The following DTWD1 variants were observed in gnomAD, a reference collection of about 807,000 sequenced individuals.
DTWD1 encodes the protein tRNA-uridine aminocarboxypropyltransferase 1.
A neutral mutation model predicts 30.2 loss-of-function variants in DTWD1; 27 were observed. That is an observed-to-expected ratio of 0.90 (90% CI 0.66 to 1.23). DTWD1 has a LOEUF of 1.23. Ranked by LOEUF, DTWD1 falls within the 50% of genes most tolerant of loss-of-function variation. The pLI is 0.00. For missense variants in DTWD1, 342 were observed against 348.8 expected (o/e 0.98, Z 0.15); for synonymous variants, 99 against 113.1 (o/e 0.88, Z 0.79).
At chr15:49,623,941 T>C (rs1262293831) in intron 1 of DTWD1, 1 of 152,192 alleles carries the variant, frequency 6.6e-6, no homozygotes, top group African/African-American at 2.4e-5. Flanking sequence ...AAATATTTAC[T>C]GTATTTTGTT....
At chr15:49,638,330 A>G (rs1005136446) in intron 4 of DTWD1, among the ~76,000 whole-genome samples, 1 of 152,188 alleles carries the variant, frequency 6.6e-6, no homozygotes, top group Non-Finnish European at 1.5e-5. Context: ...CCCAATTCAC[A>G]TGGAAAGTAT....
Position 49,644,003 on chromosome 15 carries a change from G to C in DTWD1, c.*425G>C, listed in dbSNP as rs901651397. ...TAGGTCATAAGTGATTTTTCTTGAGGTTAGTAGCAAACATAGGCAGAACTA... is the reference window on the plus strand; with the variant it reads ...TAGGTCATAAGTGATTTTTCTTGAGCTTAGTAGCAAACATAGGCAGAACTA... On this transcript the variant is annotated 3_prime_UTR_variant, in exon 5 of 5. Coordinates refer to ENST00000403028, the MANE Select transcript of DTWD1 (RefSeq NM_001144955.2). The C allele has an allele frequency of 6.5e-6, 1 of 153,018 alleles. No homozygotes were observed. The highest frequency in any genetic ancestry group is 1.5e-5 in the Non-Finnish European group (1 of 68,694). The allele number at this position is 153,018 out of a possible 1,614,324, so 9.5% of individuals were successfully genotyped here. A position where few individuals can be genotyped will look rare whatever the true frequency, so the allele number is the denominator to read the frequency against.
rs551100733 is a variant in DTWD1, at chr15:49,630,809, C to A, written c.265-1350C>A. ...GCTGCTGGAGAGCAAGCGAAGCTTC[C>A]GTCTGTATTTACAGCCGCTCCCCAT... On this transcript the variant is annotated intron_variant, in intron 2 of 4. Coordinates refer to ENST00000403028, the MANE Select transcript of DTWD1 (RefSeq NM_001144955.2). The A allele has an allele frequency of 6.2e-5, 11 of 178,056 alleles. No homozygotes were observed. The South Asian group carries it at 1.0e-3, about 17-fold the overall frequency. 11.0% of individuals were successfully genotyped at this position (178,056 alleles called of 1,614,324 possible).
intron 1 of DTWD1, among the ~76,000 whole-genome samples, chr15:49,621,590 C>A (rs1013258563): frequency 1.3e-5 from 2 of 152,080 alleles, no homozygotes; most frequent in East Asian, 1.9e-4. Flanking sequence ...AGCAAAAGAG[C>A]CTGTTTCTTA....
intron 4 of DTWD1, among the ~76,000 whole-genome samples, chr15:49,635,196 G>T (rs2078985516): frequency 6.6e-6 from 1 of 151,784 alleles, no homozygotes; most frequent in Admixed American, 6.6e-5. Flanking sequence ...CACCACACCT[G>T]CCTAAATTTT....
Position 49,645,833 on chromosome 15 carries a change from A to G in DTWD1, c.*2255A>G, listed in dbSNP as rs2079114485. ...TCAAAAGAAGTTAGTAATACCTATT[A>G]GAACAATGAATTGACTATACTTGTC... On this transcript the variant is annotated 3_prime_UTR_variant, in exon 5 of 5. Coordinates refer to ENST00000403028, the MANE Select transcript of DTWD1 (RefSeq NM_001144955.2). 1 of 152,200 alleles carries G rather than the reference A, an allele frequency of 6.6e-6. No homozygotes were observed. Among genetic ancestry groups the G allele is most frequent in the African/African-American group, 2.4e-5 (1 of 41,462 alleles). The allele number at this position is 152,200 out of a possible 1,614,324, so 9.4% of individuals were successfully genotyped here. A position where few individuals can be genotyped will look rare whatever the true frequency, so the allele number is the denominator to read the frequency against.
chr15:49,632,196 A>T lies in DTWD1; in HGVS notation c.302A>T (p.Glu101Val). Residue 101 changes from glutamate (E) to valine (V), a missense_variant, in exon 3 of 5, where the codon GAA (glutamate) becomes GTA (valine). By Grantham distance (121) the Glu-to-Val change is moderately radical. Transcript: ENST00000403028. ...LKIDIIKHPN[E>V]TDGKSTAIHA... ...ATTGACATCATTAAACATCCAAATG[A>T]AACAGATGGCAAAAGTACTGCTATA... 2 of 1,590,944 alleles carry T rather than the reference A, an allele frequency of 1.3e-6. No individual in the cohort carries two copies. The highest frequency in any genetic ancestry group is 1.7e-6 in the Non-Finnish European group (2 of 1,173,660).
Position 49,645,823 on chromosome 15 carries a change from A to G in DTWD1, c.*2245A>G, listed in dbSNP as rs1023891506. On this transcript the variant is annotated 3_prime_UTR_variant, in exon 5 of 5. Coordinates refer to ENST00000403028, the MANE Select transcript of DTWD1 (RefSeq NM_001144955.2). ...CAGGTTCTTTTCAAAAGAAGTTAGT[A>G]ATACCTATTAGAACAATGAATTGAC... is the stretch of plus-strand genomic sequence containing the variant. 1.3e-5 allele frequency: 2 copies of G among 152,186 alleles called. No individual in the cohort carries two copies. The highest frequency in any genetic ancestry group is 2.9e-5 in the Non-Finnish European group (2 of 68,020). The allele number at this position is 152,186 out of a possible 1,614,324, so 9.4% of individuals were successfully genotyped here. A position where few individuals can be genotyped will look rare whatever the true frequency, so the allele number is the denominator to read the frequency against.
At chr15:49,635,469 T>C (rs1160982198) in intron 4 of DTWD1, among the ~76,000 whole-genome samples, 7 of 152,152 alleles carry the variant, frequency 4.6e-5, no homozygotes, top group Non-Finnish European at 5.9e-5. Context: ...GTTTTTTGCC[T>C]TACAGGTTTT....
intron 1 of DTWD1, among the ~76,000 whole-genome samples, chr15:49,622,877 G>T (rs2078785315): frequency 6.6e-6 from 1 of 152,096 alleles, no homozygotes. Context: ...CTCTTTTACT[G>T]TCTTACAGGT....
At chr15:49,624,525 C>T (rs1406148990) in intron 1 of DTWD1, among the ~76,000 whole-genome samples, 2 of 152,054 alleles carry the variant, frequency 1.3e-5, no homozygotes, top group Non-Finnish European at 2.9e-5. Context: ...ATTAATGTTA[C>T]TCTGTAAATT....
intron 2 of DTWD1, among the ~76,000 whole-genome samples, chr15:49,628,591 G>A (rs2078876335): frequency 6.6e-6 from 1 of 152,118 alleles, no homozygotes; most frequent in Admixed American, 6.6e-5. Context: ...TAATCCCATG[G>A]GAAAATGCTT....
chr15:49,656,049 ATATT>A lies in DTWD1; in HGVS notation c.*12474_*12477del, dbSNP rs1203365264. The A allele has an allele frequency of 1.6e-4, 24 of 148,978 alleles. No homozygotes were observed. Among genetic ancestry groups the A allele is most frequent in the African/African-American group, 6.2e-4 (24 of 38,436 alleles). 9.2% of individuals were successfully genotyped at this position (148,978 alleles called of 1,614,324 possible). Reference sequence around the variant, plus strand: ...GTACAATTACAACAAGCATCAATGAATATTTAATGAGCAGCTGTTAATTTCTGAA... The same window carrying A: ...GTACAATTACAACAAGCATCAATGAATAATGAGCAGCTGTTAATTTCTGAA... On this transcript the variant is annotated 3_prime_UTR_variant, in exon 5 of 5. Coordinates refer to ENST00000403028, the MANE Select transcript of DTWD1 (RefSeq NM_001144955.2).
chr15:49,627,306 G>A (rs2078856773), intron 2 of DTWD1, among the ~76,000 whole-genome samples: 1 of 152,040 alleles, frequency 6.6e-6, no homozygotes, highest in Admixed American at 6.6e-5. Context: ...GGTAATAACA[G>A]CTCTACAAAA....
chr15:49,632,140 G>T lies in DTWD1; in HGVS notation c.265-19G>T, dbSNP rs778423776. On this transcript the variant is annotated intron_variant, in intron 2 of 4. Coordinates refer to ENST00000403028, the MANE Select transcript of DTWD1 (RefSeq NM_001144955.2). ...AAAATGTTTATATATTTTTTTATTT[G>T]TGCTTTTTTTACCTTTAGCTTCCAT... 3 of 1,540,900 alleles carry T rather than the reference G, an allele frequency of 1.9e-6. No homozygotes were observed. In the South Asian group the frequency reaches 3.9e-5, roughly 20 times the overall value.
chr15:49,639,911 G>C (rs1445334681), intron 4 of DTWD1, among the ~76,000 whole-genome samples: 3 of 151,988 alleles, frequency 2.0e-5, no homozygotes, highest in Non-Finnish European at 4.4e-5. Context: ...AAGCAAAGAG[G>C]TTTTGTTTGT....
chr15:49,621,405 G>T (rs2078703452), intron 1 of DTWD1: 1 of 152,108 alleles, frequency 6.6e-6, no homozygotes, highest in African/African-American at 2.4e-5. Flanking sequence ...CCAACGAAAA[G>T]TATGTCCTGG....
In DTWD1 at chr15:49,625,451, G is replaced by T; in HGVS notation, c.264+20G>T. ...GTGAAGGTTAGTAAGAAATTTAATT[G>T]TTTGAAAGTATGAAAATAGATTTTT... On this transcript the variant is annotated intron_variant, in intron 2 of 4. Transcript: ENST00000403028. 6.3e-7 allele frequency: 1 copy of T among 1,592,406 alleles called. No individual in the cohort carries two copies. The highest frequency in any genetic ancestry group is 1.1e-5 in the South Asian group (1 of 87,576).
chr15:49,655,319 T>A lies in DTWD1; in HGVS notation c.*11741T>A, dbSNP rs146153539. 6.4e-4 allele frequency: 97 copies of A among 152,134 alleles called. No homozygotes were observed. The highest frequency in any genetic ancestry group is 2.2e-3 in the African/African-American group (93 of 41,548). The allele number at this position is 152,134 out of a possible 1,614,324, so 9.4% of individuals were successfully genotyped here. ...TTAAGTTTTGGGGTGGTTTATTACA[T>A]AGCAATTGATAACTGATACAACAGT... is the stretch of plus-strand genomic sequence containing the variant. On this transcript the variant is annotated 3_prime_UTR_variant, in exon 5 of 5. Transcript: ENST00000403028.
Sources: allele counts gnomAD v4.1 joint callset (sites outside exome capture counted in the v4.1 genomes callset), GRCh38; gene constraint gnomAD v4.1.1; transcripts MANE v1.5; gene names NCBI Gene and HGNC (gene_info 2026-07-23, HGNC 2026-07-21).